The following MCPH1 variants were observed in gnomAD, a reference collection of about 807,000 sequenced individuals.
MCPH1 encodes the protein microcephalin.
MCPH1 carries 104 observed loss-of-function variants against 84.5 expected under a neutral mutation model. The observed-to-expected ratio is 1.23, with a 90% CI of 1.05 to 1.45. The LOEUF is 1.45. Among genes scored for constraint, MCPH1 ranks in the 40% most tolerant of loss-of-function variants. MCPH1 has a pLI of 0.00. For missense variants in MCPH1, 1,498 were observed against 1,005.7 expected (o/e 1.49, Z -6.62); for synonymous variants, 514 against 366.8 (o/e 1.40, Z -4.58).
chr8:6,481,178 C>G (rs1168005416), intron 11 of MCPH1, among the ~76,000 whole-genome samples: 4 of 152,206 alleles, frequency 2.6e-5, no homozygotes, highest in Non-Finnish European at 4.4e-5. Flanking sequence ...GATGCATGTT[C>G]TCACAGTCAA....
chr8:6,624,824 ATCCAGG>A, intron 13 of MCPH1: 2 of 985,174 alleles, frequency 2.0e-6, no homozygotes, highest in Non-Finnish European at 2.4e-6. Flanking sequence ...TTCCTGCCTC[ATCCAGG>A]TCCAGGCTAT....
At chr8:6,586,447 C>G (rs139543084) in intron 12 of MCPH1, among the ~76,000 whole-genome samples, 9 of 152,354 alleles carry the variant, frequency 5.9e-5, no homozygotes, top group African/African-American at 1.7e-4. Flanking sequence ...TGACTAGCCT[C>G]TGTGGTCAAA....
intron 9 of MCPH1, among the ~76,000 whole-genome samples, chr8:6,476,290 A>G (rs754835994): frequency 3.3e-5 from 5 of 151,968 alleles, no homozygotes; most frequent in Non-Finnish European, 7.4e-5. Flanking sequence ...TTAGCTCGGT[A>G]TGGTAGTGGG....
intron 12 of MCPH1, among the ~76,000 whole-genome samples, chr8:6,514,239 G>C (rs1397776371): frequency 1.7e-4 from 26 of 152,166 alleles, no homozygotes. Flanking sequence ...GCCCAGGCTG[G>C]AGTGCAGTGG....
intron 9 of MCPH1, among the ~76,000 whole-genome samples, chr8:6,463,586 A>T (rs1034173750): frequency 1.8e-4 from 28 of 152,124 alleles, no homozygotes; most frequent in Non-Finnish European, 3.7e-4. Flanking sequence ...TGGTGGGAAT[A>T]AAAAGAGTAC....
At chr8:6,541,930 C>CCCAGGAGGTTGAGGCTGCAGTGAG (rs1821652136) in intron 12 of MCPH1, among the ~76,000 whole-genome samples, 1 of 151,526 alleles carries the variant, frequency 6.6e-6, no homozygotes, top group Non-Finnish European at 1.5e-5. Flanking sequence ...ATTGCTTGAG[C>CCCAGGAGGTTGAGGCTGCAGTGAG]CCAGGAGGTT....
At chr8:6,610,501 C>T (rs2129579227) in intron 12 of MCPH1, among the ~76,000 whole-genome samples, 1 of 152,304 alleles carries the variant, frequency 6.6e-6, no homozygotes, top group East Asian at 1.9e-4. Context: ...CGACTCTTAG[C>T]AAAAGCCATA....
chr8:6,476,698 C>T (rs1407388029), intron 9 of MCPH1, among the ~76,000 whole-genome samples: 1 of 152,132 alleles, frequency 6.6e-6, no homozygotes, highest in Non-Finnish European at 1.5e-5. Context: ...TTTCGTCAAC[C>T]CTGGGGTCCT....
At chr8:6,513,919 A>T (rs982243840) in intron 12 of MCPH1, 19 of 1,343,824 alleles carry the variant, frequency 1.4e-5, no homozygotes, top group South Asian at 3.0e-5. Context: ...TAGTCCGTCA[A>T]CTTAACATAG....
chr8:6,518,436 G>GT (rs1193615334), intron 12 of MCPH1, among the ~76,000 whole-genome samples: 1 of 152,162 alleles, frequency 6.6e-6, no homozygotes, highest in African/African-American at 2.4e-5. Flanking sequence ...CTTCTAGGGC[G>GT]TTAGGGACAT....
intron 3 of MCPH1, among the ~76,000 whole-genome samples, chr8:6,429,185 G>A (rs900030082): frequency 1.3e-5 from 2 of 152,206 alleles, no homozygotes; most frequent in African/African-American, 4.8e-5. Context: ...CTGAATCTCA[G>A]AGTGAACCAT....
chr8:6,438,727 A>C (rs1359322142), intron 5 of MCPH1, among the ~76,000 whole-genome samples: 1 of 152,202 alleles, frequency 6.6e-6, no homozygotes, highest in African/African-American at 2.4e-5. Flanking sequence ...TGTTCTTAGC[A>C]CAGTGCTTGG....
At chr8:6,419,901 G>T (rs867058654) in intron 3 of MCPH1, among the ~76,000 whole-genome samples, 2 of 151,676 alleles carry the variant, frequency 1.3e-5, no homozygotes, top group Non-Finnish European at 1.5e-5. Context: ...GAAATGATTT[G>T]CTTTTTCTTT....
At position 6,460,689 on chromosome 8, in the gene MCPH1, G is replaced by C. The variant is rs551887379; in HGVS notation, c.1935+5437G>C. Among the ~76,000 whole-genome samples the C allele has an allele frequency of 7.2e-5, 11 of 151,970 alleles. No individual in the cohort carries two copies. The East Asian group carries it at 1.5e-3, about 21-fold the overall frequency. On this transcript the variant is annotated intron_variant, in intron 9 of 13. Coordinates refer to ENST00000344683, the MANE Select transcript of MCPH1 (RefSeq NM_024596.5). ...CATACGTTCCATATCTAATATGCCTGGTTAGTTTGTCTTTATCTTCCTAGC... is the reference window on the plus strand; with the variant it reads ...CATACGTTCCATATCTAATATGCCTCGTTAGTTTGTCTTTATCTTCCTAGC...
At position 6,444,840 on chromosome 8, in the gene MCPH1, G is replaced by GA. The variant is rs1295833883; in HGVS notation, c.1121dup (p.Arg375GlufsTer32). On this transcript the variant is annotated frameshift_variant, in exon 8 of 14. Transcript: ENST00000344683. LOFTEE classifies it high-confidence loss of function. ...TCACCTCCGAAGGAAAAATGCAAGA[G>GA]AAAGAGGAGCACCAGGAGATCTATC... 1.9e-6 allele frequency: 3 copies of GA among 1,614,086 alleles called. No individual in the cohort carries two copies. The highest frequency in any genetic ancestry group is 1.7e-6 in the Non-Finnish European group (2 of 1,180,052).
At chr8:6,627,670 C>G (rs1041000287) in intron 13 of MCPH1, among the ~76,000 whole-genome samples, 1 of 152,108 alleles carries the variant, frequency 6.6e-6, no homozygotes, top group Non-Finnish European at 1.5e-5. Context: ...GCGGGTGGGT[C>G]GTTTGAGCCC....
intron 12 of MCPH1, among the ~76,000 whole-genome samples, chr8:6,510,363 C>T (rs1814796706): frequency 6.6e-6 from 1 of 152,078 alleles, no homozygotes; most frequent in South Asian, 2.1e-4. Flanking sequence ...GCAATGGTGG[C>T]AGGAGAAGTG....
rs527539591 is a variant in MCPH1 at position 6,493,897 on chromosome 8, C to G, written c.2137-5955C>G. On this transcript the variant is annotated intron_variant, in intron 11 of 13. Coordinates refer to ENST00000344683, the MANE Select transcript of MCPH1 (RefSeq NM_024596.5). ...CTCTGTGGAAACTGTGGCTTGAACA[C>G]TTTCAGTAAATTGCTCATGGTCATA... 3.3e-5 allele frequency among the ~76,000 whole-genome samples: 5 copies of G among 152,106 alleles called. No homozygotes were observed. In the South Asian group the frequency reaches 6.2e-4, roughly 19 times the overall value.
chr8:6,417,132 C>T (rs957671073), intron 3 of MCPH1, among the ~76,000 whole-genome samples: 1 of 152,028 alleles, frequency 6.6e-6, no homozygotes, highest in African/African-American at 2.4e-5. Flanking sequence ...TGTGTAGTTG[C>T]CTGTGTTTCT....
Sources: gnomAD v4.1 joint callset for allele counts (sites outside exome capture counted in the v4.1 genomes callset) on GRCh38, gnomAD v4.1.1 for gene constraint, MANE v1.5 for transcripts, NCBI Gene and HGNC (gene_info 2026-07-23, HGNC 2026-07-21) for gene names.